PLEKHG1: variants seen among roughly 807,000 people sequenced by gnomAD.
PLEKHG1 encodes the protein pleckstrin homology domain-containing family G member 1.
In PLEKHG1, 44 loss-of-function variants were observed where a neutral mutation model predicts 100.8. The ratio of observed to expected loss-of-function variants is 0.44; its 90% CI spans 0.34 to 0.56. PLEKHG1 has a LOEUF of 0.56. Among genes scored for constraint, PLEKHG1 ranks in the 20% least tolerant of loss-of-function variants. The pLI, the probability that PLEKHG1 is intolerant of heterozygous loss-of-function variation, is 0.01. For missense variants in PLEKHG1, 1,545 were observed against 1,720.9 expected (o/e 0.90, Z 1.81); for synonymous variants, 640 against 662.5 (o/e 0.97, Z 0.52).
At chr6:150,684,770 G>A (rs1193794875) in intron 3 of PLEKHG1, among the ~76,000 whole-genome samples, 2 of 151,924 alleles carry the variant, frequency 1.3e-5, no homozygotes, top group African/African-American at 2.4e-5. Context: ...CGGGGGGTTG[G>A]GGTGTATCTT....
intron 1 of PLEKHG1, among the ~76,000 whole-genome samples, chr6:150,627,708 G>A (rs1777563886): frequency 6.6e-6 from 1 of 152,150 alleles, no homozygotes; most frequent in Non-Finnish European, 1.5e-5. Flanking sequence ...AGGATCACAA[G>A]TATAATAAAA....
At chr6:150,649,341 G>A (rs1377870953) in intron 2 of PLEKHG1, among the ~76,000 whole-genome samples, 1 of 151,996 alleles carries the variant, frequency 6.6e-6, no homozygotes, top group South Asian at 2.1e-4. Context: ...CACTCTAGTT[G>A]GGCTATTTTT....
chr6:150,702,557 G>GTGT (rs145870305), intron 3 of PLEKHG1, among the ~76,000 whole-genome samples: 39 of 142,916 alleles, frequency 2.7e-4, no homozygotes, highest in Middle Eastern at 7.1e-3. Context: ...TTTGTTTTGG[G>GTGT]GTGTGTGTGT....
intron 2 of PLEKHG1, among the ~76,000 whole-genome samples, chr6:150,640,020 G>A (rs926804514): frequency 2.6e-5 from 4 of 152,318 alleles, no homozygotes; most frequent in South Asian, 2.1e-4. Flanking sequence ...CCTCCAAGTC[G>A]GACAGCTCCT....
At chr6:150,674,287 G>A (rs185722142) in intron 3 of PLEKHG1, among the ~76,000 whole-genome samples, 26 of 150,572 alleles carry the variant, frequency 1.7e-4, no homozygotes, top group South Asian at 4.3e-4. Flanking sequence ...ATGAACAAGC[G>A]TTGAAAAAGG....
chr6:150,664,573 A>T (rs1361167498), intron 3 of PLEKHG1: 1 of 152,256 alleles, frequency 6.6e-6, no homozygotes, highest in African/African-American at 2.4e-5. Context: ...TCTACACACT[A>T]TTGCAGACTC....
chr6:150,737,279 G>GTT (rs1305677763), intron 2 of PLEKHG1, among the ~76,000 whole-genome samples: 1 of 141,202 alleles, frequency 7.1e-6, no homozygotes, highest in Non-Finnish European at 1.5e-5. Flanking sequence ...TGTCATATGG[G>GTT]TATTTTTTTT....
At chr6:150,815,907 G>C (rs934423735) in intron 10 of PLEKHG1, among the ~76,000 whole-genome samples, 10 of 152,234 alleles carry the variant, frequency 6.6e-5, no homozygotes, top group African/African-American at 1.9e-4. Flanking sequence ...TTGGGCACCA[G>C]GGATTGGTTT....
chr6:150,601,458 C>T (rs549742215), intron 1 of PLEKHG1, among the ~76,000 whole-genome samples: 3 of 152,230 alleles, frequency 2.0e-5, no homozygotes, highest in African/African-American at 7.2e-5. Flanking sequence ...CATCCCCCTC[C>T]CAAACCCCTA....
chr6:150,756,722 T>C (rs1783858633), intron 2 of PLEKHG1, among the ~76,000 whole-genome samples: 1 of 152,170 alleles, frequency 6.6e-6, no homozygotes, highest in Admixed American at 6.5e-5. Flanking sequence ...TTTGGCTGGC[T>C]GAAATTTGAT....
At chr6:150,637,883 C>T (rs1778078971) in intron 1 of PLEKHG1, among the ~76,000 whole-genome samples, 1 of 152,160 alleles carries the variant, frequency 6.6e-6, no homozygotes, top group African/African-American at 2.4e-5. Context: ...TTTTAGGCCT[C>T]TTGAAAGCGA....
chr6:150,809,937 G>A (rs529534881), intron 10 of PLEKHG1, among the ~76,000 whole-genome samples: 1 of 149,902 alleles, frequency 6.7e-6, no homozygotes, highest in Non-Finnish European at 1.5e-5. Context: ...GAGTGACAAC[G>A]GTTAATCTGA....
chr6:150,751,469 G>A (rs1293273475), intron 2 of PLEKHG1, among the ~76,000 whole-genome samples: 1 of 152,106 alleles, frequency 6.6e-6, no homozygotes, highest in Non-Finnish European at 1.5e-5. Context: ...GATGACTAGC[G>A]ATGGCATCTC....
At chr6:150,734,145 A>G in intron 2 of PLEKHG1, 53 bp downstream of exon 3, 1 of 1,545,748 alleles carries the variant, frequency 6.5e-7, no homozygotes, top group Non-Finnish European at 8.8e-7. Flanking sequence ...TATGCTTGCA[A>G]AAGAAATGAC....
At chr6:150,705,072 G>T (rs1780949145) in intron 3 of PLEKHG1, among the ~76,000 whole-genome samples, 1 of 152,078 alleles carries the variant, frequency 6.6e-6, no homozygotes, top group Non-Finnish European at 1.5e-5. Flanking sequence ...GTATTTGGGC[G>T]GGGGGACAAA....
Position 150,739,482 on chromosome 6 carries a change from AC to A in PLEKHG1, c.411+5391del, listed in dbSNP as rs534024967. Reference sequence around the variant, plus strand: ...CAGGAGTTTGAGACCAGCCAGGCCAACATGGTGAAACTCCATCTCTACTAAA... The same window carrying A: ...CAGGAGTTTGAGACCAGCCAGGCCAAATGGTGAAACTCCATCTCTACTAAA... On this transcript the variant is annotated intron_variant, in intron 2 of 15. Coordinates refer to ENST00000358517, the Ensembl canonical transcript of PLEKHG1. Among the ~76,000 whole-genome samples, 230 of 152,260 alleles carry A rather than the reference AC, an allele frequency of 1.5e-3. No individual in the cohort carries two copies. In the Middle Eastern group the frequency reaches 0.024, roughly 16 times the overall value.
At chr6:150,779,344 G>GTTTGTTTTTTTTTTTTTTTTTT (rs1257363893) in intron 3 of PLEKHG1, among the ~76,000 whole-genome samples, 2 of 104,532 alleles carry the variant, frequency 1.9e-5, no homozygotes, top group African/African-American at 4.3e-5. Flanking sequence ...TTGTCAAGAA[G>GTTTGTTTTTTTTTTTTTTTTTT]TTTTTTTTTT....
chr6:150,704,966 A>T (rs1039637737), intron 3 of PLEKHG1, among the ~76,000 whole-genome samples: 10 of 152,150 alleles, frequency 6.6e-5, no homozygotes, highest in Non-Finnish European at 1.2e-4. Context: ...GTTGGACTAG[A>T]GCCCCACCCT....
At chr6:150,791,057 G>A (rs935306162) in intron 4 of PLEKHG1, among the ~76,000 whole-genome samples, 1 of 152,090 alleles carries the variant, frequency 6.6e-6, no homozygotes, top group Non-Finnish European at 1.5e-5. Context: ...ATACTCCTCT[G>A]GGGAGGGAGT....
Sources: gnomAD v4.1 joint callset for allele counts (sites outside exome capture counted in the v4.1 genomes callset) on GRCh38, gnomAD v4.1.1 for gene constraint, MANE v1.5 for transcripts, NCBI Gene and HGNC (gene_info 2026-07-23, HGNC 2026-07-21) for gene names.